Variants in SOX5 observed in about 807,000 individuals in gnomAD.
SOX5 encodes the protein transcription factor SOX-5.
SOX5 carries 9 observed loss-of-function variants against 92.0 expected under a neutral mutation model. That is an observed-to-expected ratio of 0.10 (90% CI 0.06 to 0.17). SOX5 has a LOEUF of 0.17. Among genes scored for constraint, SOX5 ranks in the 10% least tolerant of loss-of-function variants. The probability of loss-of-function intolerance (pLI) is 1.00; values close to 1 mark genes in which losing one functional copy is unlikely to be tolerated. For synonymous variants in SOX5, 344 were observed against 336.3 expected (o/e 1.02, Z -0.25); for missense variants, 642 against 944.5 (o/e 0.68, Z 4.20).
rs1308991771 is a variant in SOX5 at position 23,755,718 on chromosome 12, G to A, written c.488C>T (p.Pro163Leu). Residue 163 changes from proline to leucine, a missense_variant, in exon 4 of 15, where the codon CCC (proline) becomes CTC (leucine). Transcript: ENST00000451604. Reference protein sequence around the residue: ...ELIKNEPEETPSIEKLLSKDW... With the variant: ...ELIKNEPEETLSIEKLLSKDW... ...CTTTGAGAGTAGTTTTTCAATACTG[G>A]GGGTTTCTAAGTAAAGAAAAAAAGA... 6.4e-7 allele frequency: 1 copy of A among 1,564,194 alleles called. No individual in the cohort carries two copies. The highest frequency in any genetic ancestry group is 8.6e-7 in the Non-Finnish European group (1 of 1,157,898).
At chr12:24,340,329 G>A (rs76352813) in intron 2 of SOX5, among the ~76,000 whole-genome samples, 234 of 152,338 alleles carry the variant, frequency 1.5e-3, no homozygotes, top group African/African-American at 5.3e-3. Context: ...GCTGAATCAA[G>A]TTAAGTTAAA....
chr12:24,282,600 T>G (rs1945346074), intron 2 of SOX5, among the ~76,000 whole-genome samples: 1 of 152,026 alleles, frequency 6.6e-6, no homozygotes, highest in South Asian at 2.1e-4. Flanking sequence ...CTGATTCTTT[T>G]AAATCAAAAA....
chr12:23,763,594 G>C (rs776821975), intron 3 of SOX5, among the ~76,000 whole-genome samples: 1 of 151,908 alleles, frequency 6.6e-6, no homozygotes, highest in Non-Finnish European at 1.5e-5. Flanking sequence ...CTTCTATTAA[G>C]TTAATGTATA....
intron 4 of SOX5, among the ~76,000 whole-genome samples, chr12:24,130,131 T>C (rs763621201): frequency 9.2e-5 from 14 of 152,114 alleles, no homozygotes; most frequent in African/African-American, 3.1e-4. Context: ...AACTACAGGA[T>C]CTGCTAGAAA....
In SOX5 at chr12:23,577,148, T is replaced by C. The variant is rs537764913; in HGVS notation, c.1165-1310A>G. 6.7e-3 allele frequency among the ~76,000 whole-genome samples: 756 copies of C among 112,278 alleles called. 7 individuals carry two copies. Among genetic ancestry groups the C allele is most frequent in the Admixed American group, 0.012 (116 of 9,578 alleles). The allele number at this position is 112,278 out of a possible 152,430, so 73.7% of individuals were successfully genotyped here. On this transcript the variant is annotated intron_variant, in intron 9 of 14. Transcript: ENST00000451604. The stretch of plus-strand genomic sequence containing the variant: ...CATCGATATCAAGTTTATATATATA[T>C]ATACACACACACACACACACACACA...
chr12:23,654,480 T>C (rs1242790765), intron 7 of SOX5, among the ~76,000 whole-genome samples: 1 of 152,108 alleles, frequency 6.6e-6, no homozygotes, highest in African/African-American at 2.4e-5. Flanking sequence ...TATAAACATA[T>C]AATCAAAACA....
At chr12:23,706,743 C>G (rs1188991153) in intron 6 of SOX5, among the ~76,000 whole-genome samples, 2 of 151,694 alleles carry the variant, frequency 1.3e-5, no homozygotes, top group Non-Finnish European at 2.9e-5. Flanking sequence ...TATTTTAAAA[C>G]CTTAAAATAT....
chr12:23,893,776 C>G (rs982421643), intron 2 of SOX5, among the ~76,000 whole-genome samples: 1 of 152,232 alleles, frequency 6.6e-6, no homozygotes, highest in South Asian at 2.1e-4. Context: ...CTTTCTTACA[C>G]TACTGACCTG....
intron 1 of SOX5, among the ~76,000 whole-genome samples, chr12:23,903,967 A>AATTAC (rs2097264367): frequency 6.6e-6 from 1 of 152,246 alleles, no homozygotes; most frequent in Non-Finnish European, 1.5e-5. Flanking sequence ...GCATAAACAG[A>AATTAC]ATTACACAAA....
chr12:24,405,228 G>A (rs997685441), intron 1 of SOX5, among the ~76,000 whole-genome samples: 7 of 152,122 alleles, frequency 4.6e-5, no homozygotes, highest in African/African-American at 1.2e-4. Flanking sequence ...ATTATGCGGT[G>A]CCATTTTTAG....
intron 4 of SOX5, among the ~76,000 whole-genome samples, chr12:24,206,252 A>C (rs889953970): frequency 3.3e-5 from 5 of 152,236 alleles, no homozygotes; most frequent in African/African-American, 1.2e-4. Flanking sequence ...AATTACTTTT[A>C]AACAAAAGCT....
chr12:24,446,422 G>T (rs1031901435), intron 1 of SOX5, among the ~76,000 whole-genome samples: 4 of 152,130 alleles, frequency 2.6e-5, no homozygotes, highest in Admixed American at 6.5e-5. Context: ...ATGTTTGAAA[G>T]GCCCCATGTG....
At chr12:23,816,349 A>G (rs2142560285) in intron 3 of SOX5, among the ~76,000 whole-genome samples, 1 of 151,982 alleles carries the variant, frequency 6.6e-6, no homozygotes, top group African/African-American at 2.4e-5. Context: ...AGCTGGGACT[A>G]CAGGTGCGCA....
At chr12:24,112,512 T>A (rs1242209429) in intron 4 of SOX5, among the ~76,000 whole-genome samples, 1 of 146,066 alleles carries the variant, frequency 6.8e-6, no homozygotes, top group African/African-American at 2.5e-5. Context: ...CAGAACAACT[T>A]CAAGGTTCCT....
intron 4 of SOX5, among the ~76,000 whole-genome samples, chr12:23,996,738 G>A (rs1452902269): frequency 1.3e-5 from 2 of 152,156 alleles, no homozygotes; most frequent in East Asian, 1.9e-4. Flanking sequence ...TACCTGTTCT[G>A]TATGATTCTA....
chr12:24,045,652 T>C (rs1362040405), intron 4 of SOX5, among the ~76,000 whole-genome samples: 1 of 152,186 alleles, frequency 6.6e-6, no homozygotes, highest in East Asian at 1.9e-4. Flanking sequence ...TGTACTTCCG[T>C]TGAATTGTCA....
chr12:23,835,548 T>C (rs2096400323), intron 3 of SOX5, among the ~76,000 whole-genome samples: 2 of 151,890 alleles, frequency 1.3e-5, no homozygotes, highest in Non-Finnish European at 2.9e-5. Flanking sequence ...GGCATTATTT[T>C]TGAGCAGTAA....
intron 4 of SOX5, among the ~76,000 whole-genome samples, chr12:24,066,872 TA>T (rs1940837155): frequency 6.6e-6 from 1 of 152,228 alleles, no homozygotes; most frequent in Admixed American, 6.5e-5. Context: ...TCAGAGATTT[TA>T]TTTCACCTTT....
intron 1 of SOX5, among the ~76,000 whole-genome samples, chr12:24,391,511 A>G (rs189826114): frequency 3.3e-4 from 51 of 152,310 alleles, no homozygotes; most frequent in African/African-American, 1.2e-3. Flanking sequence ...GTGGCACCTA[A>G]CTACAGACGT....
Sources: allele counts gnomAD v4.1 joint callset (sites outside exome capture counted in the v4.1 genomes callset), GRCh38; gene constraint gnomAD v4.1.1; transcripts MANE v1.5; gene names NCBI Gene and HGNC (gene_info 2026-07-23, HGNC 2026-07-21).